DMTF1: variants seen among roughly 807,000 people sequenced by gnomAD.
The protein encoded by DMTF1 is cyclin D binding myb like transcription factor 1.
DMTF1 carries 39 observed loss-of-function variants against 91.1 expected under a neutral mutation model. That is an observed-to-expected ratio of 0.43 (90% CI 0.33 to 0.56). The LOEUF is 0.56. Ranked by LOEUF, DMTF1 falls within the 20% of genes least tolerant of loss-of-function variation. The probability of loss-of-function intolerance (pLI) is 0.05; values close to 1 mark genes in which losing one functional copy is unlikely to be tolerated. For missense variants in DMTF1, 750 were observed against 914.5 expected (o/e 0.82, Z 2.32); for synonymous variants, 338 against 309.5 (o/e 1.09, Z -0.97).
intron 6 of DMTF1, among the ~76,000 whole-genome samples, chr7:87,173,865 A>G (rs1289031618): frequency 1.3e-5 from 2 of 152,160 alleles, no homozygotes; most frequent in Non-Finnish European, 2.9e-5. Context: ...TTCTCCCCTG[A>G]TTTGAAGTAA....
chr7:87,156,375 A>G (rs895761862), intron 1 of DMTF1, among the ~76,000 whole-genome samples: 7 of 152,164 alleles, frequency 4.6e-5, no homozygotes, highest in Non-Finnish European at 8.8e-5. Context: ...CTCCACTAAC[A>G]GCTCTGTTGA....
chr7:87,181,477 A>G (rs980136501), intron 9 of DMTF1, 136 bp downstream of exon 9: 7 of 476,252 alleles, frequency 1.5e-5, no homozygotes, highest in Admixed American at 1.4e-4. Context: ...TTGGCCTTAA[A>G]AAGATCACAT....
chr7:87,167,207 T>C (rs756876900), intron 4 of DMTF1, among the ~76,000 whole-genome samples: 1 of 152,250 alleles, frequency 6.6e-6, no homozygotes, highest in Non-Finnish European at 1.5e-5. Flanking sequence ...GCATGAAAGT[T>C]AGAAGCCTAA....
chr7:87,167,773 T>C (rs1794167680), intron 4 of DMTF1, among the ~76,000 whole-genome samples: 1 of 152,230 alleles, frequency 6.6e-6, no homozygotes, highest in African/African-American at 2.4e-5. Context: ...CCTATGTTTT[T>C]TTAAAATCTT....
chr7:87,172,821 G>T (rs184038522), intron 5 of DMTF1, among the ~76,000 whole-genome samples: 1 of 152,334 alleles, frequency 6.6e-6, no homozygotes, highest in East Asian at 1.9e-4. Flanking sequence ...TCCCCTACAG[G>T]GTTTGTTAGA....
intron 12 of DMTF1, chr7:87,186,856 GTGAT>G (rs1283948340): frequency 6.6e-6 from 1 of 152,102 alleles, no homozygotes; most frequent in Non-Finnish European, 1.5e-5. Flanking sequence ...CCATCCTTAA[GTGAT>G]TGATGACTAT....
chr7:87,187,935 G>A, intron 12 of DMTF1, 157 bp from the exon 13 acceptor site: 1 of 600,476 alleles, frequency 1.7e-6, no homozygotes, highest in Non-Finnish European at 3.0e-6. Flanking sequence ...AGGATATGTT[G>A]TTTTTTAAAA....
intron 5 of DMTF1, 116 bp from the exon 6 acceptor site, chr7:87,173,417 CTA>C: frequency 2.0e-6 from 1 of 495,054 alleles, no homozygotes; most frequent in Non-Finnish European, 3.6e-6. Flanking sequence ...TTCCATATGA[CTA>C]TATTTAAGTT....
At chr7:87,166,827 C>A (rs73206940) in intron 4 of DMTF1, among the ~76,000 whole-genome samples, 2,762 of 148,032 alleles carry the variant, frequency 0.019, 51 homozygotes, top group Non-Finnish European at 0.03. Flanking sequence ...TTTTTTTTTT[C>A]AATTGCCCCA....
chr7:87,183,698 A>C (rs1797839367), intron 10 of DMTF1, among the ~76,000 whole-genome samples: 1 of 152,228 alleles, frequency 6.6e-6, no homozygotes, highest in Non-Finnish European at 1.5e-5. Context: ...GAGGTAAAGA[A>C]GATGAAAAAA....
At chr7:87,170,928 G>T in intron 4 of DMTF1, 67 bp from the exon 5 acceptor site, 1 of 1,044,442 alleles carries the variant, frequency 9.6e-7, no homozygotes, top group Non-Finnish European at 1.5e-6. Flanking sequence ...TTTTTCCCAT[G>T]GATATTTTTA....
chr7:87,166,355 G>T, intron 3 of DMTF1, 128 bp from the exon 4 acceptor site: 1 of 867,250 alleles, frequency 1.2e-6, no homozygotes, highest in Non-Finnish European at 1.7e-6. Context: ...TGCACAACTA[G>T]GTTTAGTTAA....
chr7:87,195,011 T>C lies in DMTF1; in HGVS notation c.2174-20T>C. ...GAGAATAAATATATACATTTAAGACTAACTTGAAACTCATTACAGATCCCA... is the reference window on the plus strand; with the variant it reads ...GAGAATAAATATATACATTTAAGACCAACTTGAAACTCATTACAGATCCCA... On this transcript the variant is annotated intron_variant, in intron 17 of 17. Transcript: ENST00000331242. 2 of 1,578,910 alleles carry C rather than the reference T, an allele frequency of 1.3e-6. No individual in the cohort carries two copies. Among genetic ancestry groups the C allele is most frequent in the Non-Finnish European group, 1.7e-6 (2 of 1,152,428 alleles).
intron 2 of DMTF1, among the ~76,000 whole-genome samples, 198 bp downstream of exon 2, chr7:87,163,815 A>C (rs1370709629): frequency 1.3e-5 from 2 of 152,218 alleles, no homozygotes; most frequent in Non-Finnish European, 2.9e-5. Flanking sequence ...AATATATTTA[A>C]GTTTTTGTGC....
chr7:87,192,429 C>A (rs931324671), intron 14 of DMTF1: 1 of 152,032 alleles, frequency 6.6e-6, no homozygotes, highest in Non-Finnish European at 1.5e-5. Context: ...CAAACACTTT[C>A]CATGAGAAGT....
chr7:87,194,173 T>C (rs1800588316), intron 16 of DMTF1, 71 bp downstream of exon 16: 3 of 1,480,722 alleles, frequency 2.0e-6, no homozygotes, highest in African/African-American at 1.4e-5. Flanking sequence ...TGGGAAACTT[T>C]TTTCTGAAGA....
At chr7:87,165,961 A>G (rs755465328) in intron 3 of DMTF1, among the ~76,000 whole-genome samples, 1 of 152,076 alleles carries the variant, frequency 6.6e-6, no homozygotes, top group African/African-American at 2.4e-5. Flanking sequence ...CCAGTGTCCT[A>G]CCTATCATTC....
At position 87,193,196 on chromosome 7, in the gene DMTF1, A is replaced by T. The variant is rs1409920844; in HGVS notation, c.1495-2A>T. 3 of 1,611,264 alleles carry T rather than the reference A, an allele frequency of 1.9e-6. No individual in the cohort carries two copies. The highest frequency in any genetic ancestry group is 3.4e-5 in the Admixed American group (2 of 59,290). ...TTAAACTATCTTTCCTTTTTCCTTT[A>T]GTCTTTCCATCTACAGCCCACTGGC... is the stretch of plus-strand genomic sequence containing the variant. On this transcript the variant is annotated splice_acceptor_variant, in intron 14 of 17. Coordinates refer to ENST00000331242, the MANE Select transcript of DMTF1 (RefSeq NM_001142327.2). LOFTEE classifies it high-confidence loss of function.
chr7:87,166,039 GA>G (rs1299669218), intron 3 of DMTF1, among the ~76,000 whole-genome samples: 8 of 152,154 alleles, frequency 5.3e-5, no homozygotes, highest in African/African-American at 2.4e-5. Context: ...AAGGTTTTTA[GA>G]ATATAGTACA....
Sources: allele counts gnomAD v4.1 joint callset (sites outside exome capture counted in the v4.1 genomes callset), GRCh38; gene constraint gnomAD v4.1.1; transcripts MANE v1.5; gene names NCBI Gene and HGNC (gene_info 2026-07-23, HGNC 2026-07-21).